The following ZC2HC1B variants were observed in gnomAD, a reference collection of about 807,000 sequenced individuals.
ZC2HC1B encodes zinc finger C2HC domain-containing protein 1B.
A neutral mutation model predicts 31.0 loss-of-function variants in ZC2HC1B; 36 were observed. The observed-to-expected ratio is 1.16, with a 90% CI of 0.89 to 1.54. The LOEUF is 1.54. Among genes scored for constraint, ZC2HC1B ranks in the 40% most tolerant of loss-of-function variants. The pLI, the probability that ZC2HC1B is intolerant of heterozygous loss-of-function variation, is 0.00. For missense variants in ZC2HC1B, 260 were observed against 268.6 expected (o/e 0.97, Z 0.22); for synonymous variants, 73 against 88.0 (o/e 0.83, Z 0.95).
rs1399806835 is a variant in ZC2HC1B, at chr6:143,869,926, A to T, written c.28+5359A>T. On this transcript the variant is annotated intron_variant, in intron 1 of 7. Coordinates refer to ENST00000237275, the MANE Select transcript of ZC2HC1B (RefSeq NM_001013623.3). This position sits in a 1 kb window ranked among gnomAD's most constrained non-coding sequence, Gnocchi z 5.2. ...GAAAGAGGCTGAGTGGTGTCCACAGAACGGGTCATCCTATCCACTTGATTA... is the reference window on the plus strand; with the variant it reads ...GAAAGAGGCTGAGTGGTGTCCACAGTACGGGTCATCCTATCCACTTGATTA... 6.6e-6 allele frequency among the ~76,000 whole-genome samples: 1 copy of T among 152,116 alleles called. No individual in the cohort carries two copies. Among genetic ancestry groups the T allele is most frequent in the African/African-American group, 2.4e-5 (1 of 41,424 alleles).
At chr6:143,879,351 C>T (rs1015496316) in intron 1 of ZC2HC1B, among the ~76,000 whole-genome samples, 4 of 152,124 alleles carry the variant, frequency 2.6e-5, no homozygotes, top group African/African-American at 9.7e-5. Context: ...TTTACTATAG[C>T]TTTATTGGGG....
rs1028360563 is a variant in ZC2HC1B, at chr6:143,924,320, A to G, written c.599-13329A>G. Reference sequence around the variant, plus strand: ...CAATTTTACTAAATTCATTTATTCTAGGAGTGTTTTTGGTGGAGTCTTTAG... The same window carrying G: ...CAATTTTACTAAATTCATTTATTCTGGGAGTGTTTTTGGTGGAGTCTTTAG... On this transcript the variant is annotated intron_variant, in intron 6 of 7. Coordinates refer to ENST00000237275, the MANE Select transcript of ZC2HC1B (RefSeq NM_001013623.3). This position sits in a 1 kb window ranked among gnomAD's most constrained non-coding sequence, Gnocchi z 5.2. Among the ~76,000 whole-genome samples the G allele has an allele frequency of 2.6e-5, 4 of 151,456 alleles. No individual in the cohort carries two copies. The highest frequency in any genetic ancestry group is 4.8e-5 in the African/African-American group (2 of 41,272).
rs958265116 is a variant in ZC2HC1B, at chr6:143,887,243, C to A, written c.349+422C>A. Reference sequence around the variant, plus strand: ...AATTTAGTACCCACAGCTTTTTTTACTGGAAACATTTTATTTGAAAATTTA... The same window carrying A: ...AATTTAGTACCCACAGCTTTTTTTAATGGAAACATTTTATTTGAAAATTTA... On this transcript the variant is annotated intron_variant, in intron 4 of 7. Transcript: ENST00000237275. The surrounding 1 kb of genome is among the most constrained non-coding windows in gnomAD (Gnocchi z 5.1). Among the ~76,000 whole-genome samples the A allele has an allele frequency of 6.6e-6, 1 of 152,010 alleles. No homozygotes were observed. Among genetic ancestry groups the A allele is most frequent in the Non-Finnish European group, 1.5e-5 (1 of 68,006 alleles).
chr6:143,904,631 G>A (rs1777773549), intron 6 of ZC2HC1B, among the ~76,000 whole-genome samples: 1 of 151,986 alleles, frequency 6.6e-6, no homozygotes, highest in Non-Finnish European at 1.5e-5. Flanking sequence ...TTTTTCTTTG[G>A]TTGCCTCTGG....
intron 6 of ZC2HC1B, among the ~76,000 whole-genome samples, chr6:143,919,343 T>C (rs1424227023): frequency 6.6e-6 from 1 of 151,500 alleles, no homozygotes; most frequent in East Asian, 1.9e-4. Flanking sequence ...GCTTGTGCCT[T>C]TCTCTGGGTG....
chr6:143,907,960 T>G (rs1582967235), intron 6 of ZC2HC1B, among the ~76,000 whole-genome samples: 1 of 152,230 alleles, frequency 6.6e-6, no homozygotes, highest in East Asian at 1.9e-4. Flanking sequence ...TTGCAGATGG[T>G]GTAAGGAAGG....
intron 4 of ZC2HC1B, among the ~76,000 whole-genome samples, chr6:143,897,273 C>T (rs900820251): frequency 2.0e-5 from 3 of 150,186 alleles, no homozygotes; most frequent in Non-Finnish European, 4.4e-5. Context: ...TTCCTGGGGT[C>T]GGGGCGGTGG....
intron 1 of ZC2HC1B, among the ~76,000 whole-genome samples, chr6:143,867,947 G>A (rs1777286653): frequency 6.6e-6 from 1 of 152,156 alleles, no homozygotes; most frequent in Admixed American, 6.5e-5. Flanking sequence ...TGGGGTACAG[G>A]GGATGTAGAC....
chr6:143,916,740 T>C (rs1034262479), intron 6 of ZC2HC1B, among the ~76,000 whole-genome samples: 1 of 152,248 alleles, frequency 6.6e-6, no homozygotes, highest in African/African-American at 2.4e-5. Flanking sequence ...GTGGGGCCTA[T>C]AGCCCCTTTG....
chr6:143,931,409 A>G (rs1778117542), intron 6 of ZC2HC1B, among the ~76,000 whole-genome samples: 1 of 151,770 alleles, frequency 6.6e-6, no homozygotes, highest in African/African-American at 2.4e-5. Context: ...TTTTCATTTC[A>G]TTATTGTTTT....
chr6:143,897,187 C>T (rs1777678486), intron 4 of ZC2HC1B, among the ~76,000 whole-genome samples: 1 of 151,898 alleles, frequency 6.6e-6, no homozygotes, highest in African/African-American at 2.4e-5. Context: ...AAATACCCAT[C>T]CACGCATGTA....
In ZC2HC1B at chr6:143,887,787, AG is replaced by A. The variant is rs2128494133; in HGVS notation, c.349+967del. 6.6e-6 allele frequency among the ~76,000 whole-genome samples: 1 copy of A among 152,210 alleles called. No homozygotes were observed. The highest frequency in any genetic ancestry group is 2.1e-4 in the South Asian group (1 of 4,830). On this transcript the variant is annotated intron_variant, in intron 4 of 7. Transcript: ENST00000237275. This position sits in a 1 kb window ranked among gnomAD's most constrained non-coding sequence, Gnocchi z 5.1. Reference sequence around the variant, plus strand: ...TGAGATTAGCATAAATATTAATATAAGATTATTAATATATCAATATTAATCT... The same window carrying A: ...TGAGATTAGCATAAATATTAATATAAATTATTAATATATCAATATTAATCT...
rs2128492675 is a variant in ZC2HC1B, at chr6:143,865,828, T to G, written c.28+1261T>G. Among the ~76,000 whole-genome samples, 1 of 152,292 alleles carries G rather than the reference T, an allele frequency of 6.6e-6. No individual in the cohort carries two copies. The highest frequency in any genetic ancestry group is 6.5e-5 in the Admixed American group (1 of 15,302). On this transcript the variant is annotated intron_variant, in intron 1 of 7. Transcript: ENST00000237275. This position sits in a 1 kb window ranked among gnomAD's most constrained non-coding sequence, Gnocchi z 4.4. ...AGAATTTGTATCTTAAACTTTTTTTTTTTGCCAAGACAGGTCTTGCTCTGG... is the reference window on the plus strand; with the variant it reads ...AGAATTTGTATCTTAAACTTTTTTTGTTTGCCAAGACAGGTCTTGCTCTGG...
rs140954141 is a variant in ZC2HC1B at position 143,883,538 on chromosome 6, C to CT, written c.29-759dup. 0.041 allele frequency among the ~76,000 whole-genome samples: 6,177 copies of CT among 152,218 alleles called. 317 individuals carry two copies. Among genetic ancestry groups the CT allele is most frequent in the African/African-American group, 0.11 (4,738 of 41,518 alleles). ...AAGTCTATGCTCAGACCTCAAACTG[C>CT]TTTTTTTATTAACCTAAGACATCAT... On this transcript the variant is annotated intron_variant, in intron 1 of 7. Coordinates refer to ENST00000237275, the MANE Select transcript of ZC2HC1B (RefSeq NM_001013623.3). This position sits in a 1 kb window ranked among gnomAD's most constrained non-coding sequence, Gnocchi z 4.1.
intron 5 of ZC2HC1B, among the ~76,000 whole-genome samples, chr6:143,901,912 A>C (rs769102852): frequency 2.6e-5 from 4 of 152,184 alleles, no homozygotes; most frequent in African/African-American, 9.7e-5. Flanking sequence ...GGTGAGTTAC[A>C]TTTCTGCAGA....
chr6:143,930,242 TTTGTCAAAGGTTTTGATATG>T (rs1238685795), intron 6 of ZC2HC1B, among the ~76,000 whole-genome samples: 30 of 152,110 alleles, frequency 2.0e-4, no homozygotes, highest in Non-Finnish European at 3.7e-4. Context: ...GCTTTTGCTG[TTTGTCAAAGGTTTTGATATG>T]TTGTGTCTCT....
At chr6:143,906,879 C>G (rs138809059) in intron 6 of ZC2HC1B, among the ~76,000 whole-genome samples, 1 of 151,946 alleles carries the variant, frequency 6.6e-6, no homozygotes, top group Non-Finnish European at 1.5e-5. Context: ...CCAGATCATC[C>G]TAGGTATTAA....
intron 1 of ZC2HC1B, among the ~76,000 whole-genome samples, chr6:143,876,673 T>C (rs1313745518): frequency 6.6e-6 from 1 of 150,482 alleles, no homozygotes; most frequent in Non-Finnish European, 1.5e-5. Context: ...TTAACTCACA[T>C]GATCACAAGG....
At chr6:143,878,411 G>A (rs1311329093) in intron 1 of ZC2HC1B, among the ~76,000 whole-genome samples, 1 of 150,548 alleles carries the variant, frequency 6.6e-6, no homozygotes, top group East Asian at 1.9e-4. Flanking sequence ...CCAGGAGGCA[G>A]AGGTTGCAGT....
Sources: allele counts gnomAD v4.1 joint callset (sites outside exome capture counted in the v4.1 genomes callset), GRCh38; gene constraint gnomAD v4.1.1; non-coding constraint Gnocchi (gnomAD v3.1); transcripts MANE v1.5; gene names NCBI Gene and HGNC (gene_info 2026-07-23, HGNC 2026-07-21).